Variants in FAIM2 observed in about 807,000 individuals in gnomAD.
The protein encoded by FAIM2 is Fas apoptotic inhibitory molecule 2.
FAIM2 carries 27 observed loss-of-function variants against 47.4 expected under a neutral mutation model. The ratio of observed to expected loss-of-function variants is 0.57; its 90% confidence interval spans 0.42 to 0.78. The LOEUF is 0.78. Ranked by LOEUF, FAIM2 falls within the 30% of genes least tolerant of loss-of-function variation. The pLI is 0.00. For synonymous variants in FAIM2, 156 were observed against 159.3 expected, an observed-to-expected ratio of 0.98 and a Z score of 0.16; for missense variants, 311 against 389.4, an observed-to-expected ratio of 0.80 and a Z score of 1.69.
intron 11 of FAIM2, among the ~76,000 whole-genome samples, chr12:49,882,413 C>G (rs887389627): frequency 2.0e-5 from 3 of 152,174 alleles, no homozygotes; most frequent in Non-Finnish European, 4.4e-5. Context: ...GGGCCTTCGT[C>G]TACCTGAAAC....
Position 49,891,094 on chromosome 12 carries a change from T to C in FAIM2, c.455A>G (p.Tyr152Cys), listed in dbSNP as rs1413486496. 1.2e-6 allele frequency: 2 copies of C among 1,614,042 alleles called. No homozygotes were observed. Among genetic ancestry groups the C allele is most frequent in the South Asian group, 2.2e-5 (2 of 91,078 alleles). ...TCCAGAACAGCAAGCCAGGGTCAGG[T>C]AGGTTGCAAAGAACACAGCACTGTG... ...WASYAVFFAT[Y>C]LTLACCSGPR... is the part of the protein sequence containing the mutation. Residue 152 changes from tyrosine (Y) to cysteine (C), a missense_variant, in exon 6 of 12, where the codon TAC (tyrosine) becomes TGC (cysteine). Physicochemically the swap from Tyr to Cys is radical, Grantham distance 194 (BLOSUM62 -2). Coordinates refer to ENST00000320634, the MANE Select transcript of FAIM2 (RefSeq NM_012306.4).
rs970826131 is a variant in FAIM2, at chr12:49,901,095, A to C, written c.211+35T>G. ...TTCCCTCTGGGTCCACCCCCACCCC[A>C]TGATGCTTCAGGTTCCAGGAGCTGA... On this transcript the variant is annotated intron_variant, in intron 2 of 11. Transcript: ENST00000320634. The C allele has an allele frequency of 3.3e-6, 5 of 1,512,802 alleles. No homozygotes were observed. In the African/African-American group the frequency reaches 4.3e-5, roughly 13 times the overall value. The allele number at this position is 1,512,802 out of a possible 1,614,324, so 93.7% of individuals were successfully genotyped here.
intron 5 of FAIM2, among the ~76,000 whole-genome samples, chr12:49,895,195 A>C (rs992780320): frequency 8.6e-5 from 13 of 151,922 alleles, no homozygotes; most frequent in Non-Finnish European, 1.6e-4. Context: ...CCCACCTCCC[A>C]CTTCTGCCAG....
At chr12:49,886,969 T>G (rs1946866260) in intron 11 of FAIM2, among the ~76,000 whole-genome samples, 1 of 152,066 alleles carries the variant, frequency 6.6e-6, no homozygotes, top group South Asian at 2.1e-4. Flanking sequence ...TCTAACAGTC[T>G]CTCTCTCAGG....
At chr12:49,890,554 C>A in intron 7 of FAIM2, 129 bp downstream of exon 7, 2 of 847,750 alleles carry the variant, frequency 2.4e-6, no homozygotes, top group Non-Finnish European at 2.0e-6. Flanking sequence ...GGTGAAAACA[C>A]CCCTGCCCCG....
chr12:49,874,158 TTGAG>T lies in FAIM2; in HGVS notation c.802-3509_802-3506del, dbSNP rs1946720649. 6.6e-6 allele frequency among the ~76,000 whole-genome samples: 1 copy of T among 152,214 alleles called. No homozygotes were observed. The highest frequency in any genetic ancestry group is 2.1e-4 in the South Asian group (1 of 4,838). ...AAACCCCTAAAAGGAGGGCAGGTACTTGAGTTAGTGTTCAGCTGAACAGGAGACT... is the reference window on the plus strand; with the variant it reads ...AAACCCCTAAAAGGAGGGCAGGTACTTTAGTGTTCAGCTGAACAGGAGACT... On this transcript the variant is annotated intron_variant, in intron 11 of 11. Coordinates refer to ENST00000320634, the MANE Select transcript of FAIM2 (RefSeq NM_012306.4). The surrounding 1 kb of genome is among the most constrained non-coding windows in gnomAD (Gnocchi z 4.2).
chr12:49,873,126 G>A (rs1440064966), intron 11 of FAIM2, among the ~76,000 whole-genome samples: 1 of 152,024 alleles, frequency 6.6e-6, no homozygotes, highest in Non-Finnish European at 1.5e-5. Context: ...TGCACGGGGT[G>A]CGTCAGTCTC....
rs550227182 is a variant in FAIM2, at chr12:49,883,726, G to A, written c.801+3660C>T. On this transcript the variant is annotated intron_variant, in intron 11 of 11. Coordinates refer to ENST00000320634, the MANE Select transcript of FAIM2 (RefSeq NM_012306.4). Reference sequence around the variant, plus strand: ...GAAAGAGAAGAGTCGGCCTTTTGCAGGATCAAGCAGGCTGTAGAAACGCCT... The same window carrying A: ...GAAAGAGAAGAGTCGGCCTTTTGCAAGATCAAGCAGGCTGTAGAAACGCCT... Among the ~76,000 whole-genome samples, 3 of 152,264 alleles carry A rather than the reference G, an allele frequency of 2.0e-5. No individual in the cohort carries two copies. In the East Asian group the frequency reaches 5.8e-4, roughly 30 times the overall value.
rs187974716 is a variant in FAIM2 at position 49,899,173 on chromosome 12, A to G, written c.212-1083T>C. 5.9e-5 allele frequency among the ~76,000 whole-genome samples: 9 copies of G among 152,186 alleles called. No homozygotes were observed. The East Asian group carries it at 1.4e-3, about 23-fold the overall frequency. ...CACCTCCTGGGCCTATAAACATGAA[A>G]GCCTCCAGGTCTGCGAAATGAAAGC... On this transcript the variant is annotated intron_variant, in intron 2 of 11. Transcript: ENST00000320634.
intron 6 of FAIM2, 141 bp downstream of exon 6, chr12:49,890,923 G>T: frequency 2.2e-6 from 2 of 906,616 alleles, no homozygotes; most frequent in Non-Finnish European, 3.6e-6. Context: ...GGAGGGAGGG[G>T]CTGCCTGCTC....
chr12:49,880,496 G>A (rs115240456), intron 11 of FAIM2, among the ~76,000 whole-genome samples: 5 of 149,598 alleles, frequency 3.3e-5, no homozygotes, highest in South Asian at 2.1e-4. Flanking sequence ...GCATGTGTAT[G>A]TGTGTGTATG....
chr12:49,900,679 C>T (rs1946975789), intron 2 of FAIM2, among the ~76,000 whole-genome samples: 1 of 152,146 alleles, frequency 6.6e-6, no homozygotes, highest in South Asian at 2.1e-4. Flanking sequence ...TCCGTGGAGA[C>T]CTGTCCCCAC....
intron 11 of FAIM2, 124 bp downstream of exon 11, chr12:49,887,262 C>T: frequency 2.3e-6 from 2 of 854,498 alleles, no homozygotes; most frequent in South Asian, 3.1e-5. Context: ...CGAGCCTAGC[C>T]CTACCCGCAG....
intron 2 of FAIM2, among the ~76,000 whole-genome samples, chr12:49,898,803 C>T (rs57011360): frequency 0.01 from 1,547 of 152,290 alleles, 28 homozygotes; most frequent in African/African-American, 0.035. Context: ...GCTGGGATTA[C>T]AGGTATGAGC....
In FAIM2 at chr12:49,896,375, A is replaced by G. The variant is rs1244703711; in HGVS notation, c.434+656T>C. ...GTTCCTCAAAGAATATAGGACAAGCAGGAGCCGAGTGGCTCGAGGGCTGCA... is the reference window on the plus strand; with the variant it reads ...GTTCCTCAAAGAATATAGGACAAGCGGGAGCCGAGTGGCTCGAGGGCTGCA... On this transcript the variant is annotated intron_variant, in intron 5 of 11. Transcript: ENST00000320634. 2.6e-5 allele frequency among the ~76,000 whole-genome samples: 4 copies of G among 152,292 alleles called. No individual in the cohort carries two copies. In the South Asian group the frequency reaches 6.2e-4, roughly 24 times the overall value.
intron 11 of FAIM2, among the ~76,000 whole-genome samples, chr12:49,881,632 T>A (rs531862580): frequency 5.9e-5 from 9 of 152,090 alleles, no homozygotes; most frequent in Non-Finnish European, 1.2e-4. Flanking sequence ...CGACTTTCCA[T>A]GAGTTTCTAC....
Position 49,878,295 on chromosome 12 carries a change from T to C in FAIM2, c.802-7642A>G, listed in dbSNP as rs1946757373. Among the ~76,000 whole-genome samples, 2 of 135,668 alleles carry C rather than the reference T, an allele frequency of 1.5e-5. 1 individual carries two copies. The highest frequency in any genetic ancestry group is 1.7e-4 in the Admixed American group (2 of 12,084). The allele number at this position is 135,668 out of a possible 152,430, so 89.0% of individuals were successfully genotyped here. A position where few individuals can be genotyped will look rare whatever the true frequency, so the allele number is the denominator to read the frequency against. ...GTCCATGTGTCTATATGTGAGTGTA[T>C]GGGTGTATGTGCATGCGTGTATATG... On this transcript the variant is annotated intron_variant, in intron 11 of 11. Transcript: ENST00000320634.
Position 49,870,389 on chromosome 12 carries a change from G to T in FAIM2, c.*115C>A. ...GCTGGGCTGGGGTAGACAGTGACCT[G>T]GCCACAGGCTGGGTTGGCAGCTAGT... On this transcript the variant is annotated 3_prime_UTR_variant, in exon 12 of 12. Coordinates refer to ENST00000320634, the MANE Select transcript of FAIM2 (RefSeq NM_012306.4). The T allele has an allele frequency of 2.0e-6, 2 of 988,364 alleles. No homozygotes were observed. The highest frequency in any genetic ancestry group is 3.1e-6 in the Non-Finnish European group (2 of 646,470). The allele number at this position is 988,364 out of a possible 1,614,324, so 61.2% of individuals were successfully genotyped here. A position where few individuals can be genotyped will look rare whatever the true frequency, so the allele number is the denominator to read the frequency against.
chr12:49,892,641 C>T (rs1268401372), intron 5 of FAIM2, among the ~76,000 whole-genome samples: 1 of 152,160 alleles, frequency 6.6e-6, no homozygotes, highest in East Asian at 1.9e-4. Flanking sequence ...CTCCTCGGTC[C>T]CTCCAGGGTC....
Sources: allele counts gnomAD v4.1 joint callset (sites outside exome capture counted in the v4.1 genomes callset), GRCh38; gene constraint gnomAD v4.1.1; non-coding constraint Gnocchi (gnomAD v3.1); transcripts MANE v1.5; gene names NCBI Gene and HGNC (gene_info 2026-07-23, HGNC 2026-07-21).